SHANK2: variants seen among roughly 807,000 people sequenced by gnomAD.
SHANK2 encodes the protein SH3 and multiple ankyrin repeat domains 2.
In SHANK2, 43 loss-of-function variants were observed where a neutral mutation model predicts 133.7. That is an observed-to-expected ratio of 0.32 (90% CI 0.25 to 0.41). The LOEUF is 0.41. Ranked by LOEUF, SHANK2 falls within the 10% of genes least tolerant of loss-of-function variation. The pLI is 1.00. For synonymous variants in SHANK2, 1,017 were observed against 952.8 expected (o/e 1.07, Z -1.24); for missense variants, 1,994 against 2,235.8 (o/e 0.89, Z 2.18).
At chr11:71,162,607 G>A (rs1265799591) in intron 2 of SHANK2, among the ~76,000 whole-genome samples, 3 of 152,182 alleles carry the variant, frequency 2.0e-5, no homozygotes, top group Non-Finnish European at 4.4e-5. Flanking sequence ...GTGAAATGGG[G>A]AAATGTCAAT....
At chr11:71,080,950 T>C (rs1951291190) in intron 8 of SHANK2, among the ~76,000 whole-genome samples, 1 of 152,192 alleles carries the variant, frequency 6.6e-6, no homozygotes, top group Non-Finnish European at 1.5e-5. Flanking sequence ...TTCAGTTTTG[T>C]TGGTGTTGCG....
intron 2 of SHANK2, among the ~76,000 whole-genome samples, chr11:71,179,118 C>A (rs782577686): frequency 6.6e-6 from 1 of 152,128 alleles, no homozygotes; most frequent in African/African-American, 2.4e-5. Flanking sequence ...GCCAATATTA[C>A]CCCGATACGA....
intron 11 of SHANK2, chr11:70,863,547 T>C (rs782618607): frequency 2.4e-5 from 11 of 457,952 alleles, no homozygotes; most frequent in Non-Finnish European, 8.8e-6. Flanking sequence ...ATTTTAACTC[T>C]GGATCCCAGT....
intron 11 of SHANK2, among the ~76,000 whole-genome samples, chr11:70,895,958 C>G (rs965018009): frequency 6.6e-6 from 1 of 152,060 alleles, no homozygotes; most frequent in African/African-American, 2.4e-5. Flanking sequence ...GTCATCAACA[C>G]CCCCCTGGAG....
intron 17 of SHANK2, among the ~76,000 whole-genome samples, chr11:70,540,636 T>G (rs58825078): frequency 0.037 from 5,690 of 152,130 alleles, 353 homozygotes; most frequent in African/African-American, 0.13. Context: ...AGTTTTAATT[T>G]TTAACTGTAC....
At chr11:70,744,855 C>T (rs552877612) in intron 14 of SHANK2, among the ~76,000 whole-genome samples, 1 of 152,340 alleles carries the variant, frequency 6.6e-6, no homozygotes, top group East Asian at 1.9e-4. Flanking sequence ...ACACAGGCCA[C>T]CTCTTGAGCG....
At position 70,799,936 on chromosome 11, in the gene SHANK2, G is replaced by A. The variant is rs147369071; in HGVS notation, c.1664-1380C>T. The stretch of plus-strand genomic sequence containing the variant: ...GTGGGGGCAAGGTCAGGAGGACCCC[G>A]CCGGTCCCCATGGCCCTACTGTGAT... On this transcript the variant is annotated intron_variant, in intron 13 of 25. Transcript: ENST00000601538. Among the ~76,000 whole-genome samples, 219 of 152,350 alleles carry A rather than the reference G, an allele frequency of 1.4e-3. 6 individuals are homozygous for A. In the East Asian group the frequency reaches 0.036, roughly 25 times the overall value.
chr11:70,845,198 C>CAAAAAAAAAA (rs782471301), intron 11 of SHANK2, among the ~76,000 whole-genome samples: 21 of 51,154 alleles, frequency 4.1e-4, no homozygotes, highest in East Asian at 5.7e-4. Context: ...GACTCTGTCT[C>CAAAAAAAAAA]AAAAAAAAAA....
At chr11:70,721,612 G>T (rs1468878857) in intron 14 of SHANK2, among the ~76,000 whole-genome samples, 3 of 152,194 alleles carry the variant, frequency 2.0e-5, no homozygotes, top group African/African-American at 4.8e-5. Context: ...TGCCCCCAGG[G>T]TGTGGTCTGG....
intron 4 of SHANK2, among the ~76,000 whole-genome samples, chr11:71,114,640 T>C (rs1258451298): frequency 2.6e-5 from 4 of 152,118 alleles, no homozygotes; most frequent in African/African-American, 9.7e-5. Context: ...CATCCATTCA[T>C]TTCCCAGAAC....
intron 11 of SHANK2, among the ~76,000 whole-genome samples, chr11:70,821,072 C>T (rs957435660): frequency 1.3e-5 from 2 of 152,214 alleles, no homozygotes; most frequent in Admixed American, 1.3e-4. Context: ...GCCTCCTCCC[C>T]ACAACCTAAG....
intron 17 of SHANK2, among the ~76,000 whole-genome samples, chr11:70,590,069 G>T (rs559494428): frequency 1.6e-4 from 25 of 152,304 alleles, no homozygotes; most frequent in African/African-American, 5.5e-4. Context: ...GCAGGAGAAC[G>T]GCGTGAACCT....
chr11:70,638,386 G>A (rs189415306), intron 17 of SHANK2, among the ~76,000 whole-genome samples: 204 of 152,316 alleles, frequency 1.3e-3, no homozygotes, highest in Admixed American at 8.0e-3. Context: ...ATCCACGCCC[G>A]GCCCCGCTTG....
intron 15 of SHANK2, among the ~76,000 whole-genome samples, chr11:70,684,115 A>C (rs1021116382): frequency 1.3e-5 from 2 of 151,646 alleles, no homozygotes; most frequent in Admixed American, 6.6e-5. Flanking sequence ...AATGAATGAA[A>C]AGAGAGAGAG....
In SHANK2 at chr11:70,933,907, AAAAAAAAC is replaced by A. The variant is rs1460808500; in HGVS notation, c.1108-37348_1108-37341del. Among the ~76,000 whole-genome samples, 5 of 151,728 alleles carry A rather than the reference AAAAAAAAC, an allele frequency of 3.3e-5. 1 individual carries two copies. Among genetic ancestry groups the A allele is most frequent in the African/African-American group, 7.3e-5 (3 of 41,318 alleles). ...AGAGCAAGACTGTGTCTCAAAAAAA[AAAAAAAAC>A]AAAAAACAAACAAACAAACAAACAA... On this transcript the variant is annotated intron_variant, in intron 10 of 25. Transcript: ENST00000601538.
intron 4 of SHANK2, among the ~76,000 whole-genome samples, chr11:71,113,584 A>G (rs1051036597): frequency 1.3e-5 from 2 of 152,190 alleles, no homozygotes; most frequent in Non-Finnish European, 2.9e-5. Context: ...AAAAAGCCAT[A>G]TAAAGAAACA....
intron 17 of SHANK2, among the ~76,000 whole-genome samples, chr11:70,591,071 G>C (rs905970111): frequency 2.9e-4 from 44 of 152,220 alleles, no homozygotes; most frequent in African/African-American, 1.0e-3. Flanking sequence ...ACCAGGCATG[G>C]TGGCTCACGT....
At chr11:70,798,027 C>A (rs1377816832) in intron 14 of SHANK2, among the ~76,000 whole-genome samples, 2 of 152,166 alleles carry the variant, frequency 1.3e-5, no homozygotes, top group East Asian at 1.9e-4. Context: ...CTCTTTCGAG[C>A]AGTTTTTACG....
At chr11:70,810,604 C>A (rs894572007) in intron 12 of SHANK2, among the ~76,000 whole-genome samples, 3 of 152,226 alleles carry the variant, frequency 2.0e-5, no homozygotes, top group Non-Finnish European at 4.4e-5. Context: ...GCTCTGTGGA[C>A]GGCCTGAACC....
Sources: allele counts gnomAD v4.1 joint callset (sites outside exome capture counted in the v4.1 genomes callset), GRCh38; gene constraint gnomAD v4.1.1; transcripts MANE v1.5; gene names NCBI Gene and HGNC (gene_info 2026-07-23, HGNC 2026-07-21).